The following NCKAP5 variants were observed in gnomAD, a reference collection of about 807,000 sequenced individuals.
NCKAP5 encodes the protein NCK associated protein 5.
In NCKAP5, 92 loss-of-function variants were observed where a neutral mutation model predicts 167.0. The observed-to-expected ratio is 0.55, with a 90% CI of 0.47 to 0.66. The LOEUF is 0.66. Ranked by LOEUF, NCKAP5 falls within the 30% of genes least tolerant of loss-of-function variation. NCKAP5 has a pLI of 0.00. For missense variants in NCKAP5, 2,378 were observed against 2,315.0 expected, an observed-to-expected ratio of 1.03 and a Z score of -0.56; for synonymous variants, 891 against 877.4, an observed-to-expected ratio of 1.02 and a Z score of -0.27.
At chr2:133,297,599 G>C (rs1469255440) in intron 4 of NCKAP5, among the ~76,000 whole-genome samples, 4 of 152,154 alleles carry the variant, frequency 2.6e-5, no homozygotes, top group Non-Finnish European at 5.9e-5. Flanking sequence ...CCCCTCCATG[G>C]AGGAAAGGAA....
chr2:132,884,220 G>A (rs1207732641), intron 8 of NCKAP5, among the ~76,000 whole-genome samples: 2 of 152,194 alleles, frequency 1.3e-5, no homozygotes, highest in African/African-American at 4.8e-5. Context: ...CTGCCACACA[G>A]CACGATCCTT....
intron 8 of NCKAP5, among the ~76,000 whole-genome samples, chr2:132,929,477 T>G (rs1293514133): frequency 2.0e-5 from 3 of 152,218 alleles, no homozygotes; most frequent in Admixed American, 1.3e-4. Flanking sequence ...AATATACTGT[T>G]AAAATTGTTC....
At chr2:132,775,569 G>C (rs1229886601) in intron 15 of NCKAP5, among the ~76,000 whole-genome samples, 1 of 152,162 alleles carries the variant, frequency 6.6e-6, no homozygotes, top group Non-Finnish European at 1.5e-5. Flanking sequence ...AGGAAAAAAG[G>C]GTTTCATTAA....
intron 6 of NCKAP5, among the ~76,000 whole-genome samples, chr2:133,128,945 ATT>A (rs10584100): frequency 0.3 from 39,427 of 129,862 alleles, 5,746 homozygotes; most frequent in African/African-American, 0.33. Context: ...AAACTCACTG[ATT>A]TTTTTTTTTT....
chr2:133,219,344 G>A (rs1210547545), intron 4 of NCKAP5, among the ~76,000 whole-genome samples: 2 of 152,216 alleles, frequency 1.3e-5, no homozygotes, highest in Admixed American at 1.3e-4. Context: ...TGATGAAGGA[G>A]CAGAATTTGC....
intron 16 of NCKAP5, 113 bp downstream of exon 16, chr2:132,773,703 T>G (rs1574155487): frequency 1.2e-6 from 1 of 845,962 alleles, no homozygotes; most frequent in Admixed American, 2.6e-5. Context: ...GTGTGAATAG[T>G]TAACACTCAG....
chr2:132,789,877 T>A (rs1044718181), intron 13 of NCKAP5, 146 bp downstream of exon 13: 4 of 688,680 alleles, frequency 5.8e-6, no homozygotes, highest in Admixed American at 3.0e-5. Flanking sequence ...ATAGCATTGA[T>A]GAAAGGATGT....
chr2:133,239,911 A>G lies in NCKAP5; in HGVS notation c.144-26132T>C, dbSNP rs74796608. On this transcript the variant is annotated intron_variant, in intron 4 of 19. Transcript: ENST00000409261. ...TCCATGCTTTAGCTTTAACTATTAT[A>G]TGTAGGCAAATTACCAATGTCTGAC... Among the ~76,000 whole-genome samples the G allele has an allele frequency of 4.2e-3, 646 of 152,258 alleles. 2 individuals are homozygous for G. Among genetic ancestry groups the G allele is most frequent in the African/African-American group, 0.014 (594 of 41,560 alleles).
At chr2:133,194,104 T>C (rs1437889015) in intron 5 of NCKAP5, among the ~76,000 whole-genome samples, 2 of 152,104 alleles carry the variant, frequency 1.3e-5, no homozygotes, top group Non-Finnish European at 2.9e-5. Context: ...CTCATTAGTA[T>C]GCACTCGGGT....
intron 5 of NCKAP5, among the ~76,000 whole-genome samples, chr2:133,166,781 C>T (rs918865788): frequency 6.6e-6 from 1 of 152,094 alleles, no homozygotes; most frequent in Non-Finnish European, 1.5e-5. Flanking sequence ...ACTACAGCTA[C>T]CAAAAAAGGT....
At chr2:133,369,712 A>G (rs1489724962) in intron 3 of NCKAP5, among the ~76,000 whole-genome samples, 1 of 152,266 alleles carries the variant, frequency 6.6e-6, no homozygotes, top group Non-Finnish European at 1.5e-5. Context: ...TCATCCAAAT[A>G]TGATCAAGTA....
chr2:132,998,438 T>C (rs1184951209), intron 6 of NCKAP5, among the ~76,000 whole-genome samples: 1 of 152,094 alleles, frequency 6.6e-6, no homozygotes, highest in Non-Finnish European at 1.5e-5. Context: ...TCAAAACCAA[T>C]TACATTTCCC....
chr2:133,215,908 T>C lies in NCKAP5; in HGVS notation c.144-2129A>G, dbSNP rs138900446. 9.4e-3 allele frequency among the ~76,000 whole-genome samples: 1,435 copies of C among 152,194 alleles called. 25 individuals are homozygous for C. Among genetic ancestry groups the C allele is most frequent in the African/African-American group, 0.033 (1,382 of 41,546 alleles). ...TGAAATTTACTACACAACTTATAAGTGAATTTAGCAAAGTCAGAGGATAGA... is the reference window on the plus strand; with the variant it reads ...TGAAATTTACTACACAACTTATAAGCGAATTTAGCAAAGTCAGAGGATAGA... On this transcript the variant is annotated intron_variant, in intron 4 of 19. Coordinates refer to ENST00000409261, the MANE Select transcript of NCKAP5 (RefSeq NM_207363.3).
the NCKAP5 span, among the ~76,000 whole-genome samples, chr2:133,610,182 A>G: frequency 1.3e-5 from 2 of 152,188 alleles, no homozygotes; most frequent in African/African-American, 4.8e-5. Flanking sequence ...CATGAGAAAG[A>G]ACACAATGGG....
intron 11 of NCKAP5, among the ~76,000 whole-genome samples, chr2:132,816,988 A>C (rs1047479320): frequency 2.0e-5 from 3 of 152,194 alleles, no homozygotes; most frequent in African/African-American, 7.2e-5. Context: ...TATAATTACT[A>C]AGTATAATTA....
intron 19 of NCKAP5, among the ~76,000 whole-genome samples, chr2:132,718,877 C>G (rs563366418): frequency 6.6e-6 from 1 of 152,126 alleles, no homozygotes; most frequent in Non-Finnish European, 1.5e-5. Context: ...AATGTGCAAA[C>G]AAACAGGTAA....
intron 3 of NCKAP5, among the ~76,000 whole-genome samples, chr2:133,352,192 T>C (rs952320195): frequency 1.4e-4 from 22 of 152,140 alleles, no homozygotes; most frequent in African/African-American, 4.6e-4. Flanking sequence ...TGTATCCCCC[T>C]CCCTGTTTTA....
chr2:133,189,258 C>T (rs186120282), intron 5 of NCKAP5, among the ~76,000 whole-genome samples: 10 of 152,082 alleles, frequency 6.6e-5, no homozygotes, highest in African/African-American at 2.4e-4. Flanking sequence ...TCTGAATAGA[C>T]CGATAACAGG....
chr2:133,552,122 TA>T (rs1687365132), intron 2 of NCKAP5, among the ~76,000 whole-genome samples: 1 of 82,382 alleles, frequency 1.2e-5, no homozygotes, highest in Non-Finnish European at 2.5e-5. Context: ...TGTGGAGAAA[TA>T]GGAACACTTT....
Sources: allele counts gnomAD v4.1 joint callset (sites outside exome capture counted in the v4.1 genomes callset), GRCh38; gene constraint gnomAD v4.1.1; transcripts MANE v1.5; gene names NCBI Gene and HGNC (gene_info 2026-07-23, HGNC 2026-07-21).